The following HMBOX1 variants were observed in gnomAD, a reference collection of about 807,000 sequenced individuals.
The protein encoded by HMBOX1 is homeobox-containing protein 1.
A neutral mutation model predicts 54.5 loss-of-function variants in HMBOX1; 14 were observed. That is an observed-to-expected ratio of 0.26 (90% CI 0.17 to 0.40). The LOEUF is 0.40. HMBOX1 is among the 10% of genes least tolerant of loss of function. The pLI, the probability that HMBOX1 is intolerant of heterozygous loss-of-function variation, is 1.00. For synonymous variants in HMBOX1, 160 were observed against 181.0 expected (o/e 0.88, Z 0.93); for missense variants, 332 against 514.4 (o/e 0.65, Z 3.43).
rs777466225 is a variant in HMBOX1 at position 28,970,558 on chromosome 8, T to C, written c.500+39T>C. On this transcript the variant is annotated intron_variant, in intron 3 of 9. Transcript: ENST00000287701. The surrounding 1 kb of genome is among the most constrained non-coding windows in gnomAD (Gnocchi z 4.3). ...CTTATTCAGAGTCCCTAAAAATGTCTGTATTCTTAGATTGTTTTTAAGTAG... is the reference window on the plus strand; with the variant it reads ...CTTATTCAGAGTCCCTAAAAATGTCCGTATTCTTAGATTGTTTTTAAGTAG... The C allele has an allele frequency of 7.7e-7, 1 of 1,301,106 alleles. No individual in the cohort carries two copies. Among genetic ancestry groups the C allele is most frequent in the African/African-American group, 1.5e-5 (1 of 67,874 alleles). The allele number at this position is 1,301,106 out of a possible 1,614,324, so 80.6% of individuals were successfully genotyped here.
chr8:28,908,447 G>T (rs2131635782), intron 1 of HMBOX1, among the ~76,000 whole-genome samples: 1 of 152,186 alleles, frequency 6.6e-6, no homozygotes, highest in Admixed American at 6.5e-5. Context: ...AAAAACAAAT[G>T]AACATCTATT....
chr8:28,936,319 C>T (rs1028118183), intron 1 of HMBOX1, among the ~76,000 whole-genome samples: 1 of 151,840 alleles, frequency 6.6e-6, no homozygotes, highest in Admixed American at 6.6e-5. Context: ...TTATGCCAGA[C>T]CAGTCCCTTT....
At chr8:29,031,679 C>G (rs570699632) in intron 6 of HMBOX1, among the ~76,000 whole-genome samples, 13 of 152,122 alleles carry the variant, frequency 8.5e-5, no homozygotes, top group Non-Finnish European at 1.8e-4. Context: ...CCATACCTAT[C>G]TAATAGGAGT....
intron 3 of HMBOX1, among the ~76,000 whole-genome samples, chr8:28,979,127 C>T (rs1032642435): frequency 5.9e-5 from 9 of 152,162 alleles, no homozygotes; most frequent in African/African-American, 2.2e-4. Flanking sequence ...TAAGAAGTTA[C>T]CTCTATTCTA....
intron 1 of HMBOX1, among the ~76,000 whole-genome samples, chr8:28,896,836 T>G (rs1192797339): frequency 6.6e-6 from 1 of 152,214 alleles, no homozygotes; most frequent in Non-Finnish European, 1.5e-5. Context: ...TCTCTGTCAT[T>G]AAGTGTTGCA....
intron 1 of HMBOX1, among the ~76,000 whole-genome samples, chr8:28,950,168 C>T (rs1388926982): frequency 1.3e-5 from 2 of 152,148 alleles, no homozygotes; most frequent in African/African-American, 2.4e-5. Flanking sequence ...TATGGCATTG[C>T]ATCATGAGAA....
chr8:29,012,454 A>G lies in HMBOX1; in HGVS notation c.697+3272A>G, dbSNP rs146976654. On this transcript the variant is annotated intron_variant, in intron 5 of 9. Coordinates refer to ENST00000287701, the MANE Select transcript of HMBOX1 (RefSeq NM_001135726.3). ...AACTACTTTTTGAAGGCAGCTTTAT[A>G]TGAATTAAATTTATATGAGGTGATA... is the stretch of plus-strand genomic sequence containing the variant. Among the ~76,000 whole-genome samples the G allele has an allele frequency of 9.4e-3, 1,429 of 152,336 alleles. 17 individuals are homozygous for G. Among genetic ancestry groups the G allele is most frequent in the South Asian group, 0.059 (286 of 4,826 alleles).
At chr8:28,992,894 A>AG (rs1831211180) in intron 4 of HMBOX1, among the ~76,000 whole-genome samples, 2 of 148,616 alleles carry the variant, frequency 1.3e-5, no homozygotes, top group Non-Finnish European at 3.0e-5. Flanking sequence ...AAAAAAAAAA[A>AG]GGAAGAAGAG....
intron 4 of HMBOX1, among the ~76,000 whole-genome samples, chr8:29,008,034 G>C (rs1244498178): frequency 6.6e-6 from 1 of 152,080 alleles, no homozygotes; most frequent in East Asian, 1.9e-4. Flanking sequence ...TTCCTATTGG[G>C]CATTATACCT....
At chr8:29,048,071 T>C (rs1319200117) in intron 8 of HMBOX1, among the ~76,000 whole-genome samples, 1 of 152,198 alleles carries the variant, frequency 6.6e-6, no homozygotes, top group Non-Finnish European at 1.5e-5. Flanking sequence ...GAAAGATACT[T>C]GTAAGATCTT....
At chr8:28,918,882 G>T (rs1347025657) in intron 1 of HMBOX1, among the ~76,000 whole-genome samples, 1 of 152,188 alleles carries the variant, frequency 6.6e-6, no homozygotes, top group African/African-American at 2.4e-5. Flanking sequence ...TGTATTCAGT[G>T]TGTAAAGTCA....
chr8:29,015,475 G>C (rs1834863486), intron 5 of HMBOX1, among the ~76,000 whole-genome samples: 1 of 152,084 alleles, frequency 6.6e-6, no homozygotes. Flanking sequence ...TTTCACCCTT[G>C]CTATAGAATA....
chr8:28,973,061 T>C (rs1051505221), intron 3 of HMBOX1, among the ~76,000 whole-genome samples: 7 of 152,168 alleles, frequency 4.6e-5, no homozygotes, highest in African/African-American at 1.7e-4. Flanking sequence ...ATCTCTCTGG[T>C]TCTCTGCCAT....
At chr8:28,915,831 G>A (rs1427085712) in intron 1 of HMBOX1, 1 of 152,010 alleles carries the variant, frequency 6.6e-6, no homozygotes, top group East Asian at 2.0e-4. Flanking sequence ...CTCCTGAGTA[G>A]CTAGAACTAT....
chr8:28,969,241 C>T (rs1826978329), intron 2 of HMBOX1, among the ~76,000 whole-genome samples: 1 of 152,122 alleles, frequency 6.6e-6, no homozygotes, highest in East Asian at 1.9e-4. Context: ...TTTGACTACT[C>T]CCTTAATATT....
At chr8:29,023,805 T>C (rs1801589656) in intron 6 of HMBOX1, among the ~76,000 whole-genome samples, 1 of 152,186 alleles carries the variant, frequency 6.6e-6, no homozygotes, top group African/African-American at 2.4e-5. Flanking sequence ...TTTTAGAGCA[T>C]TGATTATTAA....
At chr8:28,987,125 C>T (rs1266253313) in intron 4 of HMBOX1, among the ~76,000 whole-genome samples, 2 of 152,102 alleles carry the variant, frequency 1.3e-5, no homozygotes, top group Non-Finnish European at 2.9e-5. Flanking sequence ...TCTCTTTCAC[C>T]TGTATATAAA....
chr8:28,952,534 A>G (rs1243575716), intron 1 of HMBOX1, among the ~76,000 whole-genome samples: 1 of 152,208 alleles, frequency 6.6e-6, no homozygotes, highest in Non-Finnish European at 1.5e-5. Context: ...GTGCCCAGCC[A>G]GGACTAAGAA....
intron 6 of HMBOX1, chr8:29,042,644 C>T: frequency 2.2e-6 from 1 of 456,136 alleles, no homozygotes; most frequent in South Asian, 1.5e-5. Context: ...TCCAGGAACA[C>T]TTGGTCCCCT....
Sources: gnomAD v4.1 joint callset for allele counts (sites outside exome capture counted in the v4.1 genomes callset) on GRCh38, gnomAD v4.1.1 for gene constraint, Gnocchi (gnomAD v3.1) non-coding constraint, MANE v1.5 for transcripts, NCBI Gene and HGNC (gene_info 2026-07-23, HGNC 2026-07-21) for gene names.